Variants in ABCA8 observed in about 807,000 individuals in gnomAD.
ABCA8 encodes ATP binding cassette subfamily A member 8.
Under a neutral mutation model 192.3 loss-of-function variants are expected in ABCA8, and 177 were observed. The observed-to-expected ratio is 0.92, with a 90% CI of 0.81 to 1.04. The LOEUF (loss-of-function observed/expected upper bound fraction) is 1.04, where lower values mean the gene tolerates loss of function less well. Ranked by LOEUF, ABCA8 falls within the 50% of genes least tolerant of loss-of-function variation. ABCA8 has a pLI of 0.00. For synonymous variants in ABCA8, 642 were observed against 690.2 expected, an observed-to-expected ratio of 0.93 and a Z score of 1.09; for missense variants, 1,915 against 1,904.8, an observed-to-expected ratio of 1.01 and a Z score of -0.10.
At chr17:68,868,940 C>T (rs1881319929) in intron 38 of ABCA8, among the ~76,000 whole-genome samples, 1 of 152,062 alleles carries the variant, frequency 6.6e-6, no homozygotes. Flanking sequence ...TGAATGACTA[C>T]GTGGCCCAGA....
intron 7 of ABCA8, chr17:68,931,712 C>G (rs1295706036): frequency 6.7e-6 from 1 of 150,352 alleles, no homozygotes; most frequent in African/African-American, 2.4e-5. Flanking sequence ...ATTAAATGAC[C>G]AGCCTCTCTA....
intron 5 of ABCA8, among the ~76,000 whole-genome samples, chr17:68,935,257 GC>G (rs1464511481): frequency 1.5e-5 from 1 of 68,812 alleles, no homozygotes; most frequent in Non-Finnish European, 2.6e-5. Context: ...GCCACGCCTG[GC>G]TAATTGTGTG....
chr17:68,867,509 T>G lies in ABCA8; in HGVS notation c.*576A>C, dbSNP rs2065949356. 6.6e-6 allele frequency: 1 copy of G among 152,066 alleles called. No homozygotes were observed. Among genetic ancestry groups the G allele is most frequent in the South Asian group, 2.1e-4 (1 of 4,828 alleles). The allele number at this position is 152,066 out of a possible 1,614,324, so 9.4% of individuals were successfully genotyped here. A position where few individuals can be genotyped will look rare whatever the true frequency, so the allele number is the denominator to read the frequency against. ...GTACAATATATTTGAAATAGTAGGG[T>G]TTTTGTTTTCCATTTATGCCTACAT... On this transcript the variant is annotated 3_prime_UTR_variant, in exon 40 of 40. Transcript: ENST00000586539.
At position 68,894,292 on chromosome 17, in the gene ABCA8, C is replaced by A; in HGVS notation, c.2917G>T (p.Ala973Ser). 6.2e-7 allele frequency: 1 copy of A among 1,609,100 alleles called. No individual in the cohort carries two copies. Among genetic ancestry groups the A allele is most frequent in the Non-Finnish European group, 8.5e-7 (1 of 1,178,698 alleles). The change falls in exon 23 of 40, where the codon GCA becomes TCA. Residue 973 changes from alanine to serine, a missense_variant. Coordinates refer to ENST00000586539, the MANE Select transcript of ABCA8 (RefSeq NM_001288985.2). ...CAATTCAATCTTTTGGCATTGCATG[C>A]TAACGAAAAGCTGTAATTCTAAAAT... is the stretch of plus-strand genomic sequence containing the variant. ...CNEKNYSFSL[A>S]CNAKRLNCFP... is the part of the protein sequence containing the mutation.
At chr17:68,912,263 G>T (rs1262479013) in intron 17 of ABCA8, among the ~76,000 whole-genome samples, 3 of 151,996 alleles carry the variant, frequency 2.0e-5, no homozygotes, top group Non-Finnish European at 4.4e-5. Flanking sequence ...TTAACAAAGA[G>T]ATTGAAATAA....
At chr17:68,906,901 T>C (rs2067082034) in intron 18 of ABCA8, among the ~76,000 whole-genome samples, 1 of 152,122 alleles carries the variant, frequency 6.6e-6, no homozygotes, top group Non-Finnish European at 1.5e-5. Context: ...AAATCAAGCT[T>C]AAATAAAAAC....
At chr17:68,948,705 G>A (rs1004843673) in intron 2 of ABCA8, among the ~76,000 whole-genome samples, 1 of 152,152 alleles carries the variant, frequency 6.6e-6, no homozygotes, top group African/African-American at 2.4e-5. Context: ...TGTTCACGCT[G>A]ATGATAGTTT....
At position 68,872,223 on chromosome 17, in the gene ABCA8, C is replaced by T. The variant is rs372431002; in HGVS notation, c.4632-2444G>A. On this transcript the variant is annotated intron_variant, in intron 37 of 39. Transcript: ENST00000586539. Reference sequence around the variant, plus strand: ...TAGACTGGATTAAGAAAATGTGGCACATATACACCATGGAATACTATGCAG... The same window carrying T: ...TAGACTGGATTAAGAAAATGTGGCATATATACACCATGGAATACTATGCAG... Among the ~76,000 whole-genome samples the T allele has an allele frequency of 4.7e-4, 72 of 152,020 alleles. 1 individual carries two copies. The highest frequency in any genetic ancestry group is 1.2e-3 in the African/African-American group (49 of 41,462).
At chr17:68,892,146 T>G (rs1186866464) in intron 23 of ABCA8, among the ~76,000 whole-genome samples, 1 of 152,180 alleles carries the variant, frequency 6.6e-6, no homozygotes, top group Non-Finnish European at 1.5e-5. Flanking sequence ...GTAAAAATCT[T>G]TAAGGATAAA....
Position 68,892,652 on chromosome 17 carries a change from G to A in ABCA8, c.3037-1056C>T, listed in dbSNP as rs539159548. Among the ~76,000 whole-genome samples, 8 of 152,178 alleles carry A rather than the reference G, an allele frequency of 5.3e-5. No individual in the cohort carries two copies. The South Asian group carries it at 1.5e-3, about 28-fold the overall frequency. ...ACTCTCAGAAACCAGAAAATTAAAA[G>A]GTCTTCACAGTCACAAAATGTTAAT... On this transcript the variant is annotated intron_variant, in intron 23 of 39. Transcript: ENST00000586539.
At chr17:68,890,041 T>C (rs1364805602) in intron 24 of ABCA8, among the ~76,000 whole-genome samples, 2 of 152,232 alleles carry the variant, frequency 1.3e-5, no homozygotes, top group Non-Finnish European at 2.9e-5. Flanking sequence ...TGTGGAAAGA[T>C]GTTTTTTCTT....
At chr17:68,932,236 C>T in intron 7 of ABCA8, 52 bp downstream of exon 7, 1 of 1,396,686 alleles carries the variant, frequency 7.2e-7, no homozygotes, top group South Asian at 1.3e-5. Flanking sequence ...ATTGAAGATT[C>T]CCAGTTTTCC....
intron 15 of ABCA8, 88 bp downstream of exon 15, chr17:68,918,339 A>G (rs886549756): frequency 3.3e-6 from 5 of 1,503,666 alleles, no homozygotes; most frequent in Admixed American, 2.1e-5. Flanking sequence ...TTTATAACAC[A>G]TGTCCTTTGC....
At chr17:68,871,231 G>A (rs1198204017) in intron 37 of ABCA8, among the ~76,000 whole-genome samples, 1 of 152,046 alleles carries the variant, frequency 6.6e-6, no homozygotes, top group Non-Finnish European at 1.5e-5. Context: ...AGCCAAACTG[G>A]CTTTTATAAC....
intron 24 of ABCA8, among the ~76,000 whole-genome samples, chr17:68,887,896 A>ATATATC (rs1445593161): frequency 2.3e-5 from 1 of 44,334 alleles, no homozygotes; most frequent in Non-Finnish European, 3.4e-5. Flanking sequence ...ATATATATAT[A>ATATATC]TATATATATA....
intron 22 of ABCA8, 53 bp from the exon 23 acceptor site, chr17:68,894,363 TA>T (rs1598213277): frequency 2.0e-6 from 3 of 1,489,550 alleles, no homozygotes; most frequent in East Asian, 4.6e-5. Flanking sequence ...TTTTGTTCTC[TA>T]AAAAAGTCAA....
Position 68,868,057 on chromosome 17 carries a change from T to C in ABCA8, c.*28A>G, listed in dbSNP as rs373267049. The C allele has an allele frequency of 6.5e-7, 1 of 1,534,334 alleles. No homozygotes were observed. The highest frequency in any genetic ancestry group is 1.4e-5 in the African/African-American group (1 of 71,634). ...AAATGTATTTAAAAAAAACCACGGG[T>C]TTAAACAGGAACACAGAATTTGGGG... On this transcript the variant is annotated 3_prime_UTR_variant, in exon 40 of 40. Coordinates refer to ENST00000586539, the MANE Select transcript of ABCA8 (RefSeq NM_001288985.2).
At chr17:68,921,279 A>G in intron 13 of ABCA8, 103 bp downstream of exon 13, 1 of 632,848 alleles carries the variant, frequency 1.6e-6, no homozygotes, top group Admixed American at 2.7e-5. Flanking sequence ...GCAGCACACC[A>G]ACATGGCACA....
At chr17:68,888,779 G>A (rs1598204976) in intron 24 of ABCA8, among the ~76,000 whole-genome samples, 1 of 152,272 alleles carries the variant, frequency 6.6e-6, no homozygotes, top group Middle Eastern at 3.4e-3. Flanking sequence ...TTAGAGATCT[G>A]GGGTAGAGTC....
Sources: allele counts gnomAD v4.1 joint callset (sites outside exome capture counted in the v4.1 genomes callset), GRCh38; gene constraint gnomAD v4.1.1; transcripts MANE v1.5; gene names NCBI Gene and HGNC (gene_info 2026-07-23, HGNC 2026-07-21).